The following CHCHD3 variants were observed in gnomAD, a reference collection of about 807,000 sequenced individuals.
The protein encoded by CHCHD3 is MICOS complex subunit MIC19.
CHCHD3 carries 20 observed loss-of-function variants against 38.2 expected under a neutral mutation model. The observed-to-expected ratio is 0.52, with a 90% CI of 0.37 to 0.76. The LOEUF is 0.76. Among genes scored for constraint, CHCHD3 ranks in the 30% least tolerant of loss-of-function variants. The pLI is 0.00. For missense variants in CHCHD3, 245 were observed against 279.2 expected, an observed-to-expected ratio of 0.88 and a Z score of 0.87; for synonymous variants, 82 against 100.0, an observed-to-expected ratio of 0.82 and a Z score of 1.07.
At chr7:133,055,205 T>C (rs919797211) in intron 2 of CHCHD3, among the ~76,000 whole-genome samples, 1 of 148,982 alleles carries the variant, frequency 6.7e-6, no homozygotes. Flanking sequence ...ATGATATGTA[T>C]ATAAAATATA....
chr7:133,024,265 A>C (rs1813270938), intron 3 of CHCHD3, among the ~76,000 whole-genome samples: 1 of 152,198 alleles, frequency 6.6e-6, no homozygotes, highest in Non-Finnish European at 1.5e-5. Context: ...CCTGGAGAAT[A>C]CTCAAAAACT....
chr7:132,994,578 G>A (rs545077849), intron 3 of CHCHD3, among the ~76,000 whole-genome samples: 2 of 152,266 alleles, frequency 1.3e-5, no homozygotes, highest in African/African-American at 4.8e-5. Flanking sequence ...AATATATGCT[G>A]CAAAACTAAT....
intron 1 of CHCHD3, among the ~76,000 whole-genome samples, chr7:133,076,612 C>T (rs540030010): frequency 6.6e-6 from 1 of 152,320 alleles, no homozygotes; most frequent in Non-Finnish European, 1.5e-5. Context: ...TGTGTCATCT[C>T]CTACAGTCTT....
At chr7:132,865,694 GGAA>G (rs372540993) in intron 5 of CHCHD3, among the ~76,000 whole-genome samples, 30 of 152,218 alleles carry the variant, frequency 2.0e-4, no homozygotes, top group African/African-American at 6.5e-4. Flanking sequence ...GGGGAACCAG[GGAA>G]GAAGAAGAGA....
At chr7:132,994,194 T>C (rs1386004236) in intron 3 of CHCHD3, among the ~76,000 whole-genome samples, 2 of 152,224 alleles carry the variant, frequency 1.3e-5, no homozygotes, top group South Asian at 4.2e-4. Flanking sequence ...CTATATGAAG[T>C]CTTTCTATAT....
chr7:132,876,725 C>G lies in CHCHD3; in HGVS notation c.453+8937G>C, dbSNP rs537020841. Among the ~76,000 whole-genome samples, 15 of 152,234 alleles carry G rather than the reference C, an allele frequency of 9.9e-5. No individual in the cohort carries two copies. In the South Asian group the frequency reaches 2.9e-3, roughly 30 times the overall value. Reference sequence around the variant, plus strand: ...AAAGCACAGTAGTCCATTCTAAGCTCTGAATAAAGAAAAGGAAGAGATCAT... The same window carrying G: ...AAAGCACAGTAGTCCATTCTAAGCTGTGAATAAAGAAAAGGAAGAGATCAT... On this transcript the variant is annotated intron_variant, in intron 5 of 7. Transcript: ENST00000262570.
intron 3 of CHCHD3, among the ~76,000 whole-genome samples, chr7:132,989,014 T>C (rs1812199603): frequency 6.6e-6 from 1 of 152,184 alleles, no homozygotes; most frequent in African/African-American, 2.4e-5. Flanking sequence ...AGTGCTTACA[T>C]TGTATTGTAA....
In CHCHD3 at chr7:133,024,596, A is replaced by G. The variant is rs1016277026; in HGVS notation, c.201T>C (p.Ala67=). The change falls in exon 3 of 8, where the codon GCT becomes GCC. Residue 67 remains alanine (A), a synonymous_variant. Transcript: ENST00000262570. The part of the protein sequence containing the change: ...VSDEELKRRV[A]EELALEQAKK... The stretch of plus-strand genomic sequence containing the variant: ...TGGCTTGCTCCAATGCCAGCTCCTC[A>G]GCTACTCTTCTTTTCAATTCTTCAT... The G allele has an allele frequency of 6.2e-6, 10 of 1,613,592 alleles. No homozygotes were observed. Among genetic ancestry groups the G allele is most frequent in the South Asian group, 4.4e-5 (4 of 91,080 alleles).
intron 5 of CHCHD3, among the ~76,000 whole-genome samples, chr7:132,846,471 T>C (rs189497994): frequency 6.6e-6 from 1 of 152,356 alleles, no homozygotes; most frequent in East Asian, 1.9e-4. Flanking sequence ...TGGTAGTTCA[T>C]TATATAGTAA....
intron 2 of CHCHD3, among the ~76,000 whole-genome samples, chr7:133,039,438 C>G (rs1429998106): frequency 6.6e-6 from 1 of 152,146 alleles, no homozygotes; most frequent in Non-Finnish European, 1.5e-5. Flanking sequence ...TTTTAAAATA[C>G]CAAGTCTTTT....
intron 4 of CHCHD3, among the ~76,000 whole-genome samples, chr7:132,900,466 T>C (rs1403049855): frequency 6.6e-6 from 1 of 152,136 alleles, no homozygotes; most frequent in East Asian, 1.9e-4. Flanking sequence ...TGAGCATCTT[T>C]TCCCAGTGAA....
At chr7:132,948,942 T>C (rs1183578142) in intron 4 of CHCHD3, among the ~76,000 whole-genome samples, 1 of 152,184 alleles carries the variant, frequency 6.6e-6, no homozygotes, top group Non-Finnish European at 1.5e-5. Context: ...TAGATTTTAC[T>C]GACAACTCTT....
intron 4 of CHCHD3, among the ~76,000 whole-genome samples, chr7:132,956,757 A>G (rs1247708876): frequency 6.6e-6 from 1 of 152,190 alleles, no homozygotes. Context: ...ATCATTCAAG[A>G]GAGATTACAG....
At chr7:133,029,663 G>A (rs1281270033) in intron 2 of CHCHD3, among the ~76,000 whole-genome samples, 1 of 152,166 alleles carries the variant, frequency 6.6e-6, no homozygotes, top group Non-Finnish European at 1.5e-5. Context: ...TAGGCACGAA[G>A]CCATCCAGGT....
At position 133,035,376 on chromosome 7, in the gene CHCHD3, C is replaced by A; in HGVS notation, c.170-10749G>T. Reference sequence around the variant, plus strand: ...CCAGCGGTTGGTATTGCGAAAGGCCCGGCGGAAAGAAGGCTCTAGAACCTG... The same window carrying A: ...CCAGCGGTTGGTATTGCGAAAGGCCAGGCGGAAAGAAGGCTCTAGAACCTG... On this transcript the variant is annotated intron_variant, in intron 2 of 7. Coordinates refer to ENST00000262570, the MANE Select transcript of CHCHD3 (RefSeq NM_017812.4). This position sits in a 1 kb window ranked among gnomAD's most constrained non-coding sequence, Gnocchi z 4.7. The A allele has an allele frequency of 3.1e-6, 5 of 1,613,132 alleles. No homozygotes were observed. In the East Asian group the frequency reaches 1.1e-4, roughly 36 times the overall value.
At chr7:133,024,512 C>T (rs1293319226) in intron 3 of CHCHD3, 34 bp downstream of exon 3, 1 of 1,475,818 alleles carries the variant, frequency 6.8e-7, no homozygotes, top group Non-Finnish European at 9.5e-7. Context: ...TGACAAAACC[C>T]ACCAAAACCT....
intron 3 of CHCHD3, among the ~76,000 whole-genome samples, chr7:133,005,410 C>G (rs1001160455): frequency 1.3e-5 from 2 of 152,126 alleles, no homozygotes; most frequent in Admixed American, 6.5e-5. Flanking sequence ...ATCCAACAAC[C>G]ATATTTACTT....
chr7:133,041,130 T>C (rs1210868853), intron 2 of CHCHD3, among the ~76,000 whole-genome samples: 1 of 152,212 alleles, frequency 6.6e-6, no homozygotes, highest in Non-Finnish European at 1.5e-5. Context: ...TGTATATTGT[T>C]GGCCAAGTTT....
At chr7:132,937,187 AC>A (rs1272324776) in intron 4 of CHCHD3, among the ~76,000 whole-genome samples, 1 of 152,150 alleles carries the variant, frequency 6.6e-6, no homozygotes, top group Non-Finnish European at 1.5e-5. Flanking sequence ...GAAATTATAT[AC>A]CACTCAACAG....
Sources: allele counts gnomAD v4.1 joint callset (sites outside exome capture counted in the v4.1 genomes callset), GRCh38; gene constraint gnomAD v4.1.1; non-coding constraint Gnocchi (gnomAD v3.1); transcripts MANE v1.5; gene names NCBI Gene and HGNC (gene_info 2026-07-23, HGNC 2026-07-21).